Variants in FNDC1 observed in about 807,000 individuals in gnomAD.
The protein encoded by FNDC1 is fibronectin type III domain-containing protein 1.
FNDC1 carries 96 observed loss-of-function variants against 168.0 expected under a neutral mutation model. That is an observed-to-expected ratio of 0.57 (90% confidence interval 0.48 to 0.68). The LOEUF is 0.68. Ranked by LOEUF, FNDC1 falls within the 30% of genes least tolerant of loss-of-function variation. FNDC1 has a pLI of 0.00. For missense variants in FNDC1, 2,587 were observed against 2,482.1 expected (o/e 1.04, Z -0.90); for synonymous variants, 1,099 against 1,025.9 (o/e 1.07, Z -1.36).
intron 4 of FNDC1, among the ~76,000 whole-genome samples, 180 bp from the exon 5 acceptor site, chr6:159,214,765 T>G (rs1474105874): frequency 6.6e-6 from 1 of 152,208 alleles, no homozygotes; most frequent in Non-Finnish European, 1.5e-5. Context: ...GAGGAATATG[T>G]GGTTAGAGTA....
At chr6:159,214,048 G>A (rs531436438) in intron 4 of FNDC1, among the ~76,000 whole-genome samples, 31 of 152,328 alleles carry the variant, frequency 2.0e-4, no homozygotes, top group Non-Finnish European at 4.3e-4. Flanking sequence ...TGGGGTTAAT[G>A]TATATATGGA....
intron 4 of FNDC1, among the ~76,000 whole-genome samples, chr6:159,212,568 T>G (rs449602): frequency 0.32 from 48,820 of 151,978 alleles, 9,149 homozygotes; most frequent in African/African-American, 0.54. Context: ...ACCCAAAGAT[T>G]TGAAAGAGAG....
At chr6:159,256,715 C>A in intron 18 of FNDC1, 84 bp downstream of exon 18, 1 of 1,036,386 alleles carries the variant, frequency 9.6e-7, no homozygotes, top group South Asian at 1.4e-5. Context: ...AGGGAGGAAT[C>A]AAAATGTTTT....
intron 14 of FNDC1, among the ~76,000 whole-genome samples, chr6:159,244,315 A>G (rs1306253748): frequency 3.9e-5 from 6 of 152,230 alleles, no homozygotes; most frequent in Non-Finnish European, 2.9e-5. Context: ...ACCAAAGGAA[A>G]GTTTGTGTTT....
In FNDC1 at chr6:159,231,287, A is replaced by G. The variant is rs1461671081; in HGVS notation, c.1370-595A>G. Among the ~76,000 whole-genome samples, 4 of 49,870 alleles carry G rather than the reference A, an allele frequency of 8.0e-5. 2 individuals carry two copies. The highest frequency in any genetic ancestry group is 3.0e-4 in the Non-Finnish European group (4 of 13,148). 32.7% of individuals were successfully genotyped at this position (49,870 alleles called of 152,430 possible). On this transcript the variant is annotated intron_variant, in intron 10 of 22. Transcript: ENST00000297267. Reference sequence around the variant, plus strand: ...CTACTCGGGAGGCTGAGGCAGGAGAATGGCGTGAACCCGGGAAGCGGAGCT... The same window carrying G: ...CTACTCGGGAGGCTGAGGCAGGAGAGTGGCGTGAACCCGGGAAGCGGAGCT...
At position 159,232,810 on chromosome 6, in the gene FNDC1, C is replaced by A. The variant is rs766385311; in HGVS notation, c.2298C>A (p.Ser766=). 7 of 1,613,896 alleles carry A rather than the reference C, an allele frequency of 4.3e-6. No homozygotes were observed. The highest frequency in any genetic ancestry group is 5.9e-6 in the Non-Finnish European group (7 of 1,179,922). The change falls in exon 11 of 23, where the codon TCC becomes TCA. Residue 766 remains serine (S), a synonymous_variant. Transcript: ENST00000297267. The surrounding 1 kb of genome is among the most constrained non-coding windows in gnomAD (Gnocchi z 4.9). ...NAPSRSTMSS[S]VSSHLSSRTQ... is the part of the protein sequence containing the mutation. Reference sequence around the variant, plus strand: ...CATCACGGTCCACCATGTCCTCCTCCGTCTCTTCTCATCTCTCGTCCAGGA... The same window carrying A: ...CATCACGGTCCACCATGTCCTCCTCAGTCTCTTCTCATCTCTCGTCCAGGA...
rs770205268 is a variant in FNDC1, at chr6:159,223,486, T to C, written c.767-42T>C. ...ACTGAGGAGCTCAGGGCAGAACCTG[T>C]TGTGAGAGAAAGCCTTTCTCTGGGT... On this transcript the variant is annotated intron_variant, in intron 6 of 22. Transcript: ENST00000297267. 3 of 1,324,972 alleles carry C rather than the reference T, an allele frequency of 2.3e-6. No homozygotes were observed. In the East Asian group the frequency reaches 6.9e-5, roughly 31 times the overall value. 82.1% of individuals were successfully genotyped at this position (1,324,972 alleles called of 1,614,324 possible). A position where few individuals can be genotyped will look rare whatever the true frequency, so the allele number is the denominator to read the frequency against.
intron 15 of FNDC1, among the ~76,000 whole-genome samples, chr6:159,248,369 G>C (rs1343440404): frequency 6.6e-6 from 1 of 151,814 alleles, no homozygotes; most frequent in Non-Finnish European, 1.5e-5. Context: ...GCGGTGGCGT[G>C]ATCTTGGCTC....
intron 1 of FNDC1, among the ~76,000 whole-genome samples, chr6:159,190,700 CTGTT>C (rs1225548553): frequency 1.3e-5 from 2 of 152,210 alleles, no homozygotes; most frequent in African/African-American, 4.8e-5. Flanking sequence ...ACTCTTTTAT[CTGTT>C]TGTTCAATTT....
chr6:159,213,900 T>C (rs555179567), intron 4 of FNDC1, among the ~76,000 whole-genome samples: 1 of 152,318 alleles, frequency 6.6e-6, no homozygotes, highest in African/African-American at 2.4e-5. Context: ...CATTTCAGCA[T>C]CTCCAAAGGC....
At chr6:159,170,229 A>C (rs295331) in intron 1 of FNDC1, among the ~76,000 whole-genome samples, 77,742 of 151,866 alleles carry the variant, frequency 0.51, 20,129 homozygotes, top group East Asian at 0.62. Context: ...CCAGAGGAGA[A>C]GCGCTCCAGT....
At chr6:159,269,317 T>C (rs28841697) in intron 22 of FNDC1, among the ~76,000 whole-genome samples, 4,752 of 71,370 alleles carry the variant, frequency 0.067, 956 homozygotes, top group Middle Eastern at 0.14. Context: ...TCCTATCTAT[T>C]TATCTAACTA....
intron 17 of FNDC1, among the ~76,000 whole-genome samples, chr6:159,254,408 A>T (rs529115861): frequency 2.0e-5 from 3 of 152,110 alleles, no homozygotes; most frequent in Non-Finnish European, 4.4e-5. Context: ...CTCTCCTCTG[A>T]GCCCCAAATA....
intron 4 of FNDC1, among the ~76,000 whole-genome samples, chr6:159,207,600 A>G (rs541453993): frequency 1.4e-4 from 21 of 152,306 alleles, no homozygotes; most frequent in African/African-American, 5.1e-4. Context: ...GCAAATTCAG[A>G]TATTAATCCT....
At chr6:159,197,337 T>C in intron 1 of FNDC1, 94 bp from the exon 2 acceptor site, 2 of 1,183,868 alleles carry the variant, frequency 1.7e-6, no homozygotes, top group Non-Finnish European at 2.4e-6. Flanking sequence ...TTAAACGTCA[T>C]TTACTGTTTT....
At chr6:159,213,015 C>T (rs1256220351) in intron 4 of FNDC1, among the ~76,000 whole-genome samples, 5 of 152,198 alleles carry the variant, frequency 3.3e-5, no homozygotes, top group Non-Finnish European at 7.3e-5. Flanking sequence ...TGAATCTATC[C>T]TACTTACCTT....
At chr6:159,177,289 G>A (rs562191923) in intron 1 of FNDC1, among the ~76,000 whole-genome samples, 14 of 152,316 alleles carry the variant, frequency 9.2e-5, no homozygotes, top group African/African-American at 3.4e-4. Context: ...TTGAAGAAGT[G>A]TGGATAGCGG....
Position 159,190,301 on chromosome 6 carries a change from T to A in FNDC1, c.110-7130T>A, listed in dbSNP as rs957743054. Among the ~76,000 whole-genome samples, 3 of 152,222 alleles carry A rather than the reference T, an allele frequency of 2.0e-5. 1 individual carries two copies. The highest frequency in any genetic ancestry group is 6.5e-5 in the Admixed American group (1 of 15,284). On this transcript the variant is annotated intron_variant, in intron 1 of 22. Transcript: ENST00000297267. ...CAGAGGACATTTCTGGCCTGTCCCC[T>A]GTCCCGCACTCCACGCTGCAGCCGA...
chr6:159,222,972 A>C (rs1286940188), intron 6 of FNDC1, among the ~76,000 whole-genome samples: 1 of 150,224 alleles, frequency 6.7e-6, no homozygotes, highest in East Asian at 2.0e-4. Flanking sequence ...CAGCTTTTAA[A>C]GTGAAATACT....
Sources: allele counts gnomAD v4.1 joint callset (sites outside exome capture counted in the v4.1 genomes callset), GRCh38; gene constraint gnomAD v4.1.1; non-coding constraint Gnocchi (gnomAD v3.1); transcripts MANE v1.5; gene names NCBI Gene and HGNC (gene_info 2026-07-23, HGNC 2026-07-21).